IL21: variants seen among roughly 807,000 people sequenced by gnomAD.
The protein encoded by IL21 is interleukin-21.
In IL21, 3 loss-of-function variants were observed where a neutral mutation model predicts 18.4. That is an observed-to-expected ratio of 0.16 (90% CI 0.07 to 0.42). IL21 has a LOEUF of 0.42. Among genes scored for constraint, IL21 ranks in the 10% least tolerant of loss-of-function variants. The pLI is 0.99. For synonymous variants in IL21, 37 were observed against 62.0 expected, an observed-to-expected ratio of 0.60 and a Z score of 1.90; for missense variants, 130 against 188.4, an observed-to-expected ratio of 0.69 and a Z score of 1.81.
At chr4:122,618,920 G>C (rs1037009709) in intron 2 of IL21, 1 of 142,420 alleles carries the variant, frequency 7.0e-6, no homozygotes, top group Non-Finnish European at 1.5e-5. Flanking sequence ...ATAATTCTTT[G>C]TTGTCAGGGC....
rs114104911 is a variant in IL21 at position 122,614,802 on chromosome 4, C to T, written c.360+880G>A. ...CATGTTCTTGGGTATCTGCATTGCT[C>T]ATGAGTTGGCATATACAAGAGGATC... On this transcript the variant is annotated intron_variant, in intron 3 of 4. Coordinates refer to ENST00000648588, the MANE Select transcript of IL21 (RefSeq NM_021803.4). 1.4e-3 allele frequency among the ~76,000 whole-genome samples: 208 copies of T among 152,240 alleles called. 1 individual carries two copies. The highest frequency in any genetic ancestry group is 4.9e-3 in the African/African-American group (203 of 41,544).
At chr4:122,619,812 A>G (rs1041448224) in intron 2 of IL21, among the ~76,000 whole-genome samples, 1 of 152,178 alleles carries the variant, frequency 6.6e-6, no homozygotes, top group African/African-American at 2.4e-5. Context: ...TTTTACACAT[A>G]GTCATTTACG....
At position 122,610,412 on chromosome 4, in the gene IL21, T is replaced by C. The variant is rs576114232; in HGVS notation, c.*2298A>G. Among the ~76,000 whole-genome samples, 2 of 152,266 alleles carry C rather than the reference T, an allele frequency of 1.3e-5. No homozygotes were observed. The highest frequency in any genetic ancestry group is 1.3e-4 in the Admixed American group (2 of 15,280). ...TCTCCCCTCCTTCCTTCCTTCCTTT[T>C]TTTTCTTGGAATATGTCCCTTGTTC... On this transcript the variant is annotated 3_prime_UTR_variant, in exon 5 of 5. Coordinates refer to ENST00000648588, the MANE Select transcript of IL21 (RefSeq NM_021803.4).
chr4:122,620,424 A>G (rs1172517678), intron 2 of IL21, among the ~76,000 whole-genome samples: 1 of 152,186 alleles, frequency 6.6e-6, no homozygotes, highest in Non-Finnish European at 1.5e-5. Context: ...TTTCGTTTCT[A>G]GTTTTGTTAT....
At position 122,612,765 on chromosome 4, in the gene IL21, G is replaced by A; in HGVS notation, c.439-5C>T. ...GGACAGATGCTGATGAATCATCTGT[G>A]GAAATAGTATACCGTGAGTAACTAA... On this transcript the variant is annotated splice_region_variant and splice_polypyrimidine_tract_variant and intron_variant, in intron 4 of 4. Transcript: ENST00000648588. The A allele has an allele frequency of 6.2e-7, 1 of 1,613,496 alleles. No individual in the cohort carries two copies. The highest frequency in any genetic ancestry group is 8.5e-7 in the Non-Finnish European group (1 of 1,179,686).
At position 122,620,885 on chromosome 4, in the gene IL21, T is replaced by A. The variant is rs374097344; in HGVS notation, c.127A>T (p.Ile43Leu). ...TTTTTCAGCTGATCAACAATATCTA[T>A]AAGTTGACGCATTCTAATCATGTGG... ...DRHMIRMRQL[I>L]DIVDQLKNYV... is the part of the protein sequence containing the mutation. The change falls in exon 1 of 5, where the codon ATA becomes TTA. Residue 43 changes from isoleucine to leucine, a missense_variant. Physicochemically the swap from Ile to Leu is conservative, Grantham distance 5 (BLOSUM62 2). Coordinates refer to ENST00000648588, the MANE Select transcript of IL21 (RefSeq NM_021803.4). The A allele has an allele frequency of 9.9e-5, 160 of 1,613,978 alleles. No individual in the cohort carries two copies. The highest frequency in any genetic ancestry group is 1.6e-4 in the Middle Eastern group (1 of 6,084).
intron 2 of IL21, among the ~76,000 whole-genome samples, chr4:122,618,804 CA>C (rs1158779760): frequency 0.11 from 3,674 of 32,500 alleles, 22 homozygotes; most frequent in African/African-American, 0.25. Flanking sequence ...GACTCCGTCT[CA>C]AAAAAAAAAA....
In IL21 at chr4:122,611,684, T is replaced by A. The variant is rs994759283; in HGVS notation, c.*1026A>T. 2.0e-5 allele frequency among the ~76,000 whole-genome samples: 3 copies of A among 152,206 alleles called. No individual in the cohort carries two copies. The highest frequency in any genetic ancestry group is 6.5e-5 in the Admixed American group (1 of 15,286). On this transcript the variant is annotated 3_prime_UTR_variant, in exon 5 of 5. Coordinates refer to ENST00000648588, the MANE Select transcript of IL21 (RefSeq NM_021803.4). ...AGTCCTGGCCTCTTGGTTTGTCTCC[T>A]GATTTTTAAATTATATAGGTGATTG...
intron 3 of IL21, among the ~76,000 whole-genome samples, chr4:122,614,894 A>G (rs1299348716): frequency 6.6e-6 from 1 of 152,120 alleles, no homozygotes. Flanking sequence ...CCCTATTTCA[A>G]TTCAATACTG....
Position 122,610,689 on chromosome 4 carries a change from A to G in IL21, c.*2021T>C, listed in dbSNP as rs1445716432. Among the ~76,000 whole-genome samples the G allele has an allele frequency of 6.6e-6, 1 of 152,270 alleles. No individual in the cohort carries two copies. The highest frequency in any genetic ancestry group is 2.4e-5 in the African/African-American group (1 of 41,462). The stretch of plus-strand genomic sequence containing the variant: ...AACAGTGACCACTATTTCATAGTCA[A>G]CAAAATTTCACGTCTCCTGTATTAC... On this transcript the variant is annotated 3_prime_UTR_variant, in exon 5 of 5. Transcript: ENST00000648588.
At chr4:122,618,408 G>A (rs1799370273) in intron 2 of IL21, among the ~76,000 whole-genome samples, 1 of 151,940 alleles carries the variant, frequency 6.6e-6, no homozygotes, top group African/African-American at 2.4e-5. Flanking sequence ...TGGGATTACA[G>A]GCAGGAGCCA....
At position 122,612,033 on chromosome 4, in the gene IL21, T is replaced by G. The variant is rs944543011; in HGVS notation, c.*677A>C. Among the ~76,000 whole-genome samples the G allele has an allele frequency of 1.3e-5, 2 of 152,068 alleles. No homozygotes were observed. Among genetic ancestry groups the G allele is most frequent in the Admixed American group, 6.6e-5 (1 of 15,244 alleles). On this transcript the variant is annotated 3_prime_UTR_variant, in exon 5 of 5. Transcript: ENST00000648588. ...ACTGGGGGCTGGAGGAAGGTAATAT[T>G]AAATCCACTTCTTAATACTCTATTG...
chr4:122,620,707 A>G lies in IL21; in HGVS notation c.198T>C (p.Asp66=). 3.1e-6 allele frequency: 5 copies of G among 1,613,130 alleles called. No individual in the cohort carries two copies. The highest frequency in any genetic ancestry group is 4.2e-6 in the Non-Finnish European group (5 of 1,179,728). The change falls in exon 2 of 5, where the codon GAT becomes GAC. Residue 66 remains aspartate (D), a synonymous_variant. Coordinates refer to ENST00000648588, the MANE Select transcript of IL21 (RefSeq NM_021803.4). ...TAAATTCAACTGGTCTTACCTCTAC[A>G]TCTTCTGGAGCTGGCAGAAATTCAG... The part of the protein sequence containing the change: ...LVPEFLPAPE[D]VETNCEWSAF...
intron 3 of IL21, among the ~76,000 whole-genome samples, chr4:122,614,149 CTTAACTCCT>C (rs1799303330): frequency 6.6e-6 from 1 of 152,118 alleles, no homozygotes; most frequent in African/African-American, 2.4e-5. Flanking sequence ...GGGCTAGTGA[CTTAACTCCT>C]TTGTAGATCT....
rs1312271970 is a variant in IL21, at chr4:122,611,301, A to G, written c.*1409T>C. ...ATTTTTTTTTCTTTTTTCTGAGTCT[A>G]CTTGCTGATGATAAAACATTTCATT... On this transcript the variant is annotated 3_prime_UTR_variant, in exon 5 of 5. Coordinates refer to ENST00000648588, the MANE Select transcript of IL21 (RefSeq NM_021803.4). Among the ~76,000 whole-genome samples the G allele has an allele frequency of 6.6e-6, 1 of 152,070 alleles. No homozygotes were observed. The highest frequency in any genetic ancestry group is 1.5e-5 in the Non-Finnish European group (1 of 67,980).
chr4:122,617,303 G>A (rs1163523452), intron 2 of IL21, among the ~76,000 whole-genome samples: 1 of 152,076 alleles, frequency 6.6e-6, no homozygotes, highest in Non-Finnish European at 1.5e-5. Context: ...GTTTGTTGAA[G>A]TTTTTTCTTT....
Position 122,615,621 on chromosome 4 carries a change from T to C in IL21, c.360+61A>G. 2.0e-6 allele frequency: 3 copies of C among 1,473,750 alleles called. No homozygotes were observed. The East Asian group carries it at 6.8e-5, about 33-fold the overall frequency. 91.3% of individuals were successfully genotyped at this position (1,473,750 alleles called of 1,614,324 possible). ...GGCTACAGGTGTGTGTGTATGTTTATGTAATGCAAGATATATAGTTTATAA... is the reference window on the plus strand; with the variant it reads ...GGCTACAGGTGTGTGTGTATGTTTACGTAATGCAAGATATATAGTTTATAA... On this transcript the variant is annotated intron_variant, in intron 3 of 4. Transcript: ENST00000648588.
intron 3 of IL21, among the ~76,000 whole-genome samples, chr4:122,614,394 G>T (rs1013543365): frequency 2.0e-5 from 3 of 152,016 alleles, no homozygotes; most frequent in African/African-American, 7.2e-5. Flanking sequence ...GAATGTTTTT[G>T]GAGGCAAAAG....
Position 122,611,059 on chromosome 4 carries a change from C to T in IL21, c.*1651G>A, listed in dbSNP as rs1291206072. On this transcript the variant is annotated 3_prime_UTR_variant, in exon 5 of 5. Coordinates refer to ENST00000648588, the MANE Select transcript of IL21 (RefSeq NM_021803.4). ...TTATTTTAAATATGAAATACAATATCCAAGAAGTTAATAGCTATACATTCA... is the reference window on the plus strand; with the variant it reads ...TTATTTTAAATATGAAATACAATATTCAAGAAGTTAATAGCTATACATTCA... Among the ~76,000 whole-genome samples, 1 of 152,100 alleles carries T rather than the reference C, an allele frequency of 6.6e-6. No homozygotes were observed.
Sources: gnomAD v4.1 joint callset for allele counts (sites outside exome capture counted in the v4.1 genomes callset) on GRCh38, gnomAD v4.1.1 for gene constraint, MANE v1.5 for transcripts, NCBI Gene and HGNC (gene_info 2026-07-23, HGNC 2026-07-21) for gene names.